The following FAM171A1 variants were observed in gnomAD, a reference collection of about 807,000 sequenced individuals.
The protein encoded by FAM171A1 is protein FAM171A1.
A neutral mutation model predicts 74.9 loss-of-function variants in FAM171A1; 23 were observed. The ratio of observed to expected loss-of-function variants is 0.31; its 90% CI spans 0.22 to 0.44. FAM171A1 has a LOEUF of 0.44. Ranked by LOEUF, FAM171A1 falls within the 20% of genes least tolerant of loss-of-function variation. The probability of loss-of-function intolerance (pLI) is 1.00; values close to 1 mark genes in which losing one functional copy is unlikely to be tolerated. For synonymous variants in FAM171A1, 527 were observed against 505.7 expected (o/e 1.04, Z -0.57); for missense variants, 1,162 against 1,159.2 (o/e 1.00, Z -0.03).
chr10:15,266,285 G>A (rs1164520298), intron 3 of FAM171A1, among the ~76,000 whole-genome samples: 1 of 152,172 alleles, frequency 6.6e-6, no homozygotes, highest in East Asian at 1.9e-4. Context: ...CCCACCTGCG[G>A]CCACACTATG....
At position 15,248,691 on chromosome 10, in the gene FAM171A1, G is replaced by A; in HGVS notation, c.702C>T (p.Ser234=). Residue 234 remains serine (S), a synonymous_variant, in exon 5 of 8, where the codon AGC becomes AGT. Coordinates refer to ENST00000378116, the MANE Select transcript of FAM171A1 (RefSeq NM_001010924.2). ...CGACATAGGCATTGTGCCTCAGGCTGCTCTGCGTGGCCAGGGGCACAGTGA... is the reference window on the plus strand; with the variant it reads ...CGACATAGGCATTGTGCCTCAGGCTACTCTGCGTGGCCAGGGGCACAGTGA... The part of the protein sequence containing the change: ...IYVTVPLATQ[S]SLRHNAYVAA... 1 of 1,613,070 alleles carries A rather than the reference G, an allele frequency of 6.2e-7. No individual in the cohort carries two copies.
At chr10:15,237,107 G>A (rs1488065017) in intron 5 of FAM171A1, among the ~76,000 whole-genome samples, 1 of 152,172 alleles carries the variant, frequency 6.6e-6, no homozygotes, top group Non-Finnish European at 1.5e-5. Flanking sequence ...GGGTGATGGG[G>A]AAAGCCCGCA....
In FAM171A1 at chr10:15,283,987, G is replaced by A. The variant is rs761385244; in HGVS notation, c.216C>T (p.Gly72=). 55 of 1,614,052 alleles carry A rather than the reference G, an allele frequency of 3.4e-5. No homozygotes were observed. The highest frequency in any genetic ancestry group is 1.2e-4 in the Admixed American group (7 of 60,010). The change falls in exon 2 of 8, where the codon GGC becomes GGT. Residue 72 remains glycine (G), a synonymous_variant. Coordinates refer to ENST00000378116, the MANE Select transcript of FAM171A1 (RefSeq NM_001010924.2). The part of the protein sequence containing the change: ...SIASGTSGTD[G]VAFIKFQYKL... ...TATACTGGAACTTGATAAAGGCGAC[G>A]CCATCAGTCCCCGAGGTGCCAGAGG...
At chr10:15,287,602 G>A (rs1217310690) in intron 1 of FAM171A1, among the ~76,000 whole-genome samples, 2 of 151,922 alleles carry the variant, frequency 1.3e-5, no homozygotes, top group African/African-American at 4.8e-5. Flanking sequence ...TGGCCGGGAT[G>A]GTCTTGATCT....
chr10:15,338,111 C>G (rs1835725528), intron 1 of FAM171A1, among the ~76,000 whole-genome samples: 1 of 152,130 alleles, frequency 6.6e-6, no homozygotes, highest in Non-Finnish European at 1.5e-5. Context: ...AGGTCTGATC[C>G]AGACAAGGAT....
intron 1 of FAM171A1, among the ~76,000 whole-genome samples, chr10:15,329,185 T>C (rs1451551657): frequency 2.6e-5 from 4 of 152,218 alleles, no homozygotes; most frequent in African/African-American, 4.8e-5. Flanking sequence ...TTCATGTGTA[T>C]GTTTAAAGGA....
At chr10:15,340,924 A>C (rs186224095) in intron 1 of FAM171A1, among the ~76,000 whole-genome samples, 5 of 152,206 alleles carry the variant, frequency 3.3e-5, no homozygotes, top group African/African-American at 9.6e-5. Context: ...GAGGGTGGGG[A>C]GGGCATGGGC....
chr10:15,328,768 C>T (rs1835589631), intron 1 of FAM171A1, among the ~76,000 whole-genome samples: 1 of 152,174 alleles, frequency 6.6e-6, no homozygotes, highest in African/African-American at 2.4e-5. Context: ...GCCCTGGCAA[C>T]CATCCTTACC....
At chr10:15,256,408 G>A (rs531093653) in intron 3 of FAM171A1, among the ~76,000 whole-genome samples, 58 of 152,300 alleles carry the variant, frequency 3.8e-4, no homozygotes, top group Non-Finnish European at 1.5e-4. Context: ...GAGTCACAAT[G>A]CTCCCTCTTC....
intron 1 of FAM171A1, among the ~76,000 whole-genome samples, chr10:15,343,588 CCAT>C (rs1342555868): frequency 6.6e-6 from 1 of 152,146 alleles, no homozygotes; most frequent in Non-Finnish European, 1.5e-5. Flanking sequence ...GAAAATGACT[CCAT>C]TAAGCAAAAG....
chr10:15,302,274 G>A (rs1331301791), intron 1 of FAM171A1, among the ~76,000 whole-genome samples: 1 of 152,060 alleles, frequency 6.6e-6, no homozygotes. Flanking sequence ...GACCAGCCTG[G>A]TCAACATGGT....
At chr10:15,294,775 T>C (rs1429305726) in intron 1 of FAM171A1, among the ~76,000 whole-genome samples, 1 of 152,176 alleles carries the variant, frequency 6.6e-6, no homozygotes, top group African/African-American at 2.4e-5. Context: ...CTCCTCTAAG[T>C]AGCGAGTTAA....
chr10:15,254,706 A>G lies in FAM171A1; in HGVS notation c.577+15T>C, dbSNP rs1259866015. The G allele has an allele frequency of 1.2e-6, 2 of 1,606,646 alleles. No individual in the cohort carries two copies. The highest frequency in any genetic ancestry group is 3.4e-5 in the Admixed American group (2 of 59,426). ...CACAGTAACTCCCACTGAAAAGAGA[A>G]AAGACTCCAATTACCTGTTCCATTT... On this transcript the variant is annotated intron_variant, in intron 4 of 7. Transcript: ENST00000378116.
At chr10:15,328,394 C>A (rs181816998) in intron 1 of FAM171A1, among the ~76,000 whole-genome samples, 10 of 152,338 alleles carry the variant, frequency 6.6e-5, no homozygotes, top group Admixed American at 4.6e-4. Context: ...GATCCACCCG[C>A]CTCGGCCTCC....
intron 3 of FAM171A1, among the ~76,000 whole-genome samples, chr10:15,257,160 T>C (rs980664778): frequency 1.3e-5 from 2 of 152,106 alleles, no homozygotes; most frequent in Non-Finnish European, 2.9e-5. Context: ...CCTGTCCTCA[T>C]GAGGGTCCGG....
chr10:15,261,077 CTG>C (rs1469240206), intron 3 of FAM171A1, among the ~76,000 whole-genome samples: 1 of 152,230 alleles, frequency 6.6e-6, no homozygotes, highest in Non-Finnish European at 1.5e-5. Flanking sequence ...GTGTCTTCCG[CTG>C]TCTCTCTATC....
chr10:15,370,942 C>G lies in FAM171A1; in HGVS notation c.97+14G>C, dbSNP rs1836136808. ...CGCGACACAAAGCCCCCGGCCCCGC[C>G]GCCGCCCACTGACCTTGGGCTCCGG... On this transcript the variant is annotated intron_variant, in intron 1 of 7. Transcript: ENST00000378116. The G allele has an allele frequency of 8.7e-7, 1 of 1,143,388 alleles. No individual in the cohort carries two copies. Among genetic ancestry groups the G allele is most frequent in the East Asian group, 9.6e-5 (1 of 10,432 alleles). The allele number at this position is 1,143,388 out of a possible 1,614,324, so 70.8% of individuals were successfully genotyped here. A position where few individuals can be genotyped will look rare whatever the true frequency, so the allele number is the denominator to read the frequency against.
chr10:15,320,224 C>T (rs1835470802), intron 1 of FAM171A1, among the ~76,000 whole-genome samples: 1 of 152,192 alleles, frequency 6.6e-6, no homozygotes, highest in South Asian at 2.1e-4. Context: ...ACGTGGTATT[C>T]AGTTTCCTGT....
chr10:15,355,855 T>C (rs1588569406), intron 1 of FAM171A1, among the ~76,000 whole-genome samples: 1 of 152,076 alleles, frequency 6.6e-6, no homozygotes, highest in African/African-American at 2.4e-5. Context: ...CTCTCTCCCA[T>C]TCCTTCTTTA....
Sources: allele counts gnomAD v4.1 joint callset (sites outside exome capture counted in the v4.1 genomes callset), GRCh38; gene constraint gnomAD v4.1.1; transcripts MANE v1.5; gene names NCBI Gene and HGNC (gene_info 2026-07-23, HGNC 2026-07-21).